Variants in STK3 observed in about 807,000 individuals in gnomAD.
The protein encoded by STK3 is serine/threonine kinase 3, also known as serine/threonine-protein kinase 3.
STK3 carries 41 observed loss-of-function variants against 58.0 expected under a neutral mutation model. The ratio of observed to expected loss-of-function variants is 0.71; its 90% CI spans 0.55 to 0.92. The LOEUF (loss-of-function observed/expected upper bound fraction) is 0.92, where lower values mean the gene tolerates loss of function less well. Among genes scored for constraint, STK3 ranks in the 40% least tolerant of loss-of-function variants. The pLI is 0.00. For missense variants in STK3, 479 were observed against 602.7 expected, an observed-to-expected ratio of 0.79 and a Z score of 2.15; for synonymous variants, 170 against 191.0, an observed-to-expected ratio of 0.89 and a Z score of 0.91.
At position 98,931,540 on chromosome 8, in the gene STK3, C is replaced by T. The variant is rs111593659; in HGVS notation, c.-79+10838G>A. On this transcript the variant is annotated intron_variant, in intron 1 of 1. Transcript: ENST00000519420. ...TGAGCAAATAATGTCCAAGCCTCTG[C>T]TGTGGTCAGTGGTAAACCCAGATAC... 8.6e-3 allele frequency among the ~76,000 whole-genome samples: 1,316 copies of T among 152,332 alleles called. 9 individuals are homozygous for T. The highest frequency in any genetic ancestry group is 0.013 in the Non-Finnish European group (895 of 68,042).
At chr8:98,653,009 C>A (rs534089468) in intron 6 of STK3, among the ~76,000 whole-genome samples, 1 of 152,282 alleles carries the variant, frequency 6.6e-6, no homozygotes, top group South Asian at 2.1e-4. Context: ...AACTCTCCAC[C>A]CCAAATCAAC....
chr8:98,654,210 G>T (rs201006537), intron 6 of STK3, among the ~76,000 whole-genome samples: 8 of 152,066 alleles, frequency 5.3e-5, no homozygotes, highest in East Asian at 3.9e-4. Context: ...ATCCAGCACA[G>T]AAACAGAACC....
At chr8:98,540,783 C>T (rs915250128) in intron 9 of STK3, among the ~76,000 whole-genome samples, 6 of 151,474 alleles carry the variant, frequency 4.0e-5, no homozygotes, top group African/African-American at 1.2e-4. Flanking sequence ...TGCACTCTTT[C>T]GCAACTGGGG....
chr8:98,753,165 T>C (rs1830084736), intron 3 of STK3, among the ~76,000 whole-genome samples: 1 of 152,206 alleles, frequency 6.6e-6, no homozygotes, highest in South Asian at 2.1e-4. Flanking sequence ...GACACATGCA[T>C]GCTTATGTTC....
At chr8:98,484,880 A>G (rs954924112) in intron 10 of STK3, among the ~76,000 whole-genome samples, 4 of 152,214 alleles carry the variant, frequency 2.6e-5, no homozygotes, top group African/African-American at 9.6e-5. Flanking sequence ...ATACTGAGTA[A>G]CACAATGAAT....
chr8:98,661,239 T>C (rs1281008926), intron 6 of STK3, among the ~76,000 whole-genome samples: 1 of 152,094 alleles, frequency 6.6e-6, no homozygotes. Context: ...CTAAAGGAAA[T>C]ACAGCCTCTT....
At chr8:98,411,682 C>T (rs1818058959) in intron 3 of STK3, among the ~76,000 whole-genome samples, 1 of 152,224 alleles carries the variant, frequency 6.6e-6, no homozygotes, top group African/African-American at 2.4e-5. Flanking sequence ...GTTACTTACT[C>T]CAAAATTTAA....
At chr8:98,603,667 G>A (rs536836551) in intron 6 of STK3, among the ~76,000 whole-genome samples, 1 of 152,176 alleles carries the variant, frequency 6.6e-6, no homozygotes, top group African/African-American at 2.4e-5. Flanking sequence ...TTCAGGCAAG[G>A]AACACCAATG....
intron 10 of STK3, among the ~76,000 whole-genome samples, chr8:98,478,545 C>T (rs1244842506): frequency 6.6e-6 from 1 of 152,184 alleles, no homozygotes; most frequent in Non-Finnish European, 1.5e-5. Flanking sequence ...TTATTACTCC[C>T]TCAAATTTGC....
At chr8:98,885,716 A>G (rs746912308) in intron 1 of STK3, among the ~76,000 whole-genome samples, 10 of 152,260 alleles carry the variant, frequency 6.6e-5, no homozygotes, top group Non-Finnish European at 1.2e-4. Context: ...CTGGGATTAC[A>G]GGCGTGAGCC....
At chr8:98,806,064 T>C (rs1291264550) in intron 1 of STK3, among the ~76,000 whole-genome samples, 2 of 152,214 alleles carry the variant, frequency 1.3e-5, no homozygotes, top group African/African-American at 4.8e-5. Flanking sequence ...ATTCCTTTCA[T>C]TATTATGTAC....
chr8:98,738,429 C>T (rs910366195), intron 4 of STK3, among the ~76,000 whole-genome samples: 3 of 152,002 alleles, frequency 2.0e-5, no homozygotes, highest in Admixed American at 6.6e-5. Flanking sequence ...GCCAAGATCA[C>T]GCCATTGCAC....
At chr8:98,426,913 C>A in intron 3 of STK3, 1 of 152,526 alleles carries the variant, frequency 6.6e-6, no homozygotes, top group South Asian at 1.9e-4. Context: ...CTGCGCCTTC[C>A]GAGCCCGGGC....
In STK3 at chr8:98,812,994, C is replaced by A. The variant is rs1186652242; in HGVS notation, c.26+12521G>T. Among the ~76,000 whole-genome samples, 3 of 151,274 alleles carry A rather than the reference C, an allele frequency of 2.0e-5. No homozygotes were observed. In the East Asian group the frequency reaches 5.9e-4, roughly 29 times the overall value. Reference sequence around the variant, plus strand: ...GGCACATGTATACATATGTAACAAACCTGCACGTTGTGCACATGTACCCTA... The same window carrying A: ...GGCACATGTATACATATGTAACAAAACTGCACGTTGTGCACATGTACCCTA... On this transcript the variant is annotated intron_variant, in intron 1 of 10. Transcript: ENST00000419617.
intron 2 of STK3, among the ~76,000 whole-genome samples, chr8:98,769,882 C>T (rs185947951): frequency 1.2e-3 from 177 of 152,318 alleles, no homozygotes; most frequent in African/African-American, 4.0e-3. Context: ...CAGAAAACTT[C>T]TGAATTTCTT....
intron 6 of STK3, among the ~76,000 whole-genome samples, chr8:98,653,763 C>A (rs950320690): frequency 7.2e-5 from 11 of 152,178 alleles, no homozygotes; most frequent in Non-Finnish European, 1.5e-4. Flanking sequence ...GACACATACA[C>A]CCTCCCAAGA....
chr8:98,350,254 A>C, the STK3 span, among the ~76,000 whole-genome samples: 4 of 152,190 alleles, frequency 2.6e-5, no homozygotes, highest in Non-Finnish European at 5.9e-5. Flanking sequence ...CTCTTTGCTA[A>C]AACATAACAA....
chr8:98,396,818 T>G (rs1817900286), downstream of STK3, among the ~76,000 whole-genome samples: 1 of 152,204 alleles, frequency 6.6e-6, no homozygotes. Flanking sequence ...CAAGGCAACT[T>G]CACACATGAC....
At chr8:98,466,946 C>T (rs1407358388) in intron 10 of STK3, among the ~76,000 whole-genome samples, 66 of 152,120 alleles carry the variant, frequency 4.3e-4, no homozygotes, top group Admixed American at 4.3e-3. Context: ...CTCCAATGGC[C>T]CTTAGTTATC....
Sources: allele counts gnomAD v4.1 joint callset (sites outside exome capture counted in the v4.1 genomes callset), GRCh38; gene constraint gnomAD v4.1.1; transcripts MANE v1.5; gene names NCBI Gene and HGNC (gene_info 2026-07-23, HGNC 2026-07-21).